Variants in ELP2 observed in about 807,000 individuals in gnomAD.
ELP2 encodes elongator complex protein 2.
A neutral mutation model predicts 119.2 loss-of-function variants in ELP2; 90 were observed. The observed-to-expected ratio is 0.75, with a 90% CI of 0.64 to 0.90. The LOEUF (loss-of-function observed/expected upper bound fraction) is 0.90. ELP2 is among the 40% of genes least tolerant of loss of function. The pLI, the probability that ELP2 is intolerant of heterozygous loss-of-function variation, is 0.00. For synonymous variants in ELP2, 339 were observed against 331.0 expected (o/e 1.02, Z -0.26); for missense variants, 921 against 967.8 (o/e 0.95, Z 0.64).
chr18:36,131,055 T>G (rs368773929), intron 1 of ELP2, among the ~76,000 whole-genome samples: 10 of 151,800 alleles, frequency 6.6e-5, no homozygotes, highest in African/African-American at 2.4e-4. Context: ...GCGCCTGTAG[T>G]CCCAGCTACT....
At chr18:36,169,300 G>GTA (rs1568027003) in intron 19 of ELP2, among the ~76,000 whole-genome samples, 2 of 151,946 alleles carry the variant, frequency 1.3e-5, no homozygotes, top group Non-Finnish European at 2.9e-5. Context: ...TTCATGAGGG[G>GTA]TATCATCTAG....
intron 17 of ELP2, among the ~76,000 whole-genome samples, chr18:36,163,029 T>G (rs1438057637): frequency 6.6e-6 from 1 of 152,158 alleles, no homozygotes; most frequent in African/African-American, 2.4e-5. Context: ...TAGTATACCT[T>G]GTACCTTGAG....
chr18:36,151,022 C>T (rs1249019618), intron 11 of ELP2, among the ~76,000 whole-genome samples: 1 of 151,692 alleles, frequency 6.6e-6, no homozygotes, highest in African/African-American at 2.4e-5. Context: ...TCAGTAGTTT[C>T]CCCCCCTATT....
chr18:36,174,383 G>A lies in ELP2; in HGVS notation c.2325-102G>A, dbSNP rs543710128. ...AAAATGGCTAAAATGTTAATGATGC[G>A]ATTTTAAAACCTGTACATTTCAATT... On this transcript the variant is annotated intron_variant, in intron 21 of 21. Coordinates refer to ENST00000358232, the MANE Select transcript of ELP2 (RefSeq NM_018255.4). 628 of 1,159,766 alleles carry A rather than the reference G, an allele frequency of 5.4e-4. 2 individuals carry two copies. The highest frequency in any genetic ancestry group is 7.5e-4 in the Non-Finnish European group (607 of 804,962). The allele number at this position is 1,159,766 out of a possible 1,614,324, so 71.8% of individuals were successfully genotyped here.
Position 36,171,086 on chromosome 18 carries a change from C to T in ELP2, c.2250C>T (p.Cys750=). The T allele has an allele frequency of 6.2e-7, 1 of 1,614,084 alleles. No individual in the cohort carries two copies. Among genetic ancestry groups the T allele is most frequent in the Non-Finnish European group, 8.5e-7 (1 of 1,179,908 alleles). ...TAGGATTGGAGTGTGGAAAGATTTG[C>T]TTATATACCTGGAAAAAGACTGATC... The part of the protein sequence containing the change: ...VAVGLECGKI[C]LYTWKKTDQV... Residue 750 remains cysteine, a synonymous_variant, in exon 21 of 22, where the codon TGC becomes TGT. Transcript: ENST00000358232.
intron 17 of ELP2, among the ~76,000 whole-genome samples, chr18:36,162,013 AAT>A (rs2090757257): frequency 1.3e-5 from 2 of 152,204 alleles, no homozygotes; most frequent in African/African-American, 4.8e-5. Flanking sequence ...GATTCACAAC[AAT>A]ATGTGTATCC....
chr18:36,146,149 A>C, intron 10 of ELP2, 101 bp downstream of exon 10: 6 of 1,579,110 alleles, frequency 3.8e-6, no homozygotes, highest in Non-Finnish European at 5.2e-6. Flanking sequence ...CACTGTGTAC[A>C]TTAAAATAGT....
At chr18:36,163,843 G>T (rs1222157907) in intron 17 of ELP2, among the ~76,000 whole-genome samples, 1 of 152,064 alleles carries the variant, frequency 6.6e-6, no homozygotes, top group African/African-American at 2.4e-5. Flanking sequence ...AGTAACGATA[G>T]TGTTTTAATA....
At chr18:36,164,923 A>G in intron 18 of ELP2, 1 of 484,464 alleles carries the variant, frequency 2.1e-6, no homozygotes, top group Admixed American at 3.5e-5. Flanking sequence ...TCTCAGTTCA[A>G]GAAACATAAA....
chr18:36,136,303 TC>T lies in ELP2; in HGVS notation c.218-3del, dbSNP rs775042386. On this transcript the variant is annotated splice_polypyrimidine_tract_variant and splice_region_variant and intron_variant, in intron 2 of 21. Coordinates refer to ENST00000358232, the MANE Select transcript of ELP2 (RefSeq NM_018255.4). ...GATATTTACTGAGATATAATTTTTT[TC>T]AGCCCCTTCTACTGAATTAGTTTCT... 8 of 1,607,362 alleles carry T rather than the reference TC, an allele frequency of 5.0e-6. No individual in the cohort carries two copies. The highest frequency in any genetic ancestry group is 6.8e-6 in the Non-Finnish European group (8 of 1,173,880).
At chr18:36,154,066 C>CTT (rs71166099) in intron 11 of ELP2, among the ~76,000 whole-genome samples, 34 of 115,874 alleles carry the variant, frequency 2.9e-4, no homozygotes, top group Non-Finnish European at 4.3e-4. Flanking sequence ...TTGTCACAGG[C>CTT]TTTTTTTTTT....
chr18:36,147,595 T>G (rs1785924), intron 11 of ELP2, among the ~76,000 whole-genome samples: 148,424 of 151,970 alleles, frequency 0.98, 72,583 homozygotes, highest in East Asian at 1. Context: ...TGTATTTTTA[T>G]TAGAGACGGG....
intron 18 of ELP2, among the ~76,000 whole-genome samples, chr18:36,166,047 G>A (rs2090884708): frequency 6.6e-6 from 1 of 151,750 alleles, no homozygotes; most frequent in Admixed American, 6.6e-5. Flanking sequence ...GTAAAGATTA[G>A]CCAGGCATGG....
intron 11 of ELP2, among the ~76,000 whole-genome samples, chr18:36,152,898 C>T (rs1179781954): frequency 2.0e-5 from 3 of 152,216 alleles, no homozygotes; most frequent in African/African-American, 7.2e-5. Context: ...GGAACAATTC[C>T]TTAGCACTAC....
At chr18:36,140,592 C>T (rs531497386) in intron 5 of ELP2, among the ~76,000 whole-genome samples, 3 of 152,052 alleles carry the variant, frequency 2.0e-5, no homozygotes, top group Non-Finnish European at 2.9e-5. Flanking sequence ...GGTGATCTGC[C>T]CACCTCAGCC....
chr18:36,169,823 G>A (rs2091023806), intron 19 of ELP2: 5 of 550,624 alleles, frequency 9.1e-6, no homozygotes, highest in Non-Finnish European at 1.6e-5. Context: ...TGGTCTCTGG[G>A]CAGGAACGCT....
chr18:36,156,183 A>C (rs950764510), intron 12 of ELP2, among the ~76,000 whole-genome samples: 2 of 152,210 alleles, frequency 1.3e-5, no homozygotes, highest in Non-Finnish European at 2.9e-5. Context: ...GTTTGCCACT[A>C]ACACTACTGC....
rs1445044876 is a variant in ELP2, at chr18:36,180,240, A to T, written c.*5599A>T. ...TGAAGAAAGGCCTGCCCCTGACTTTAAAAACATTTCTTGGAAGTCCCATAC... is the reference window on the plus strand; with the variant it reads ...TGAAGAAAGGCCTGCCCCTGACTTTTAAAACATTTCTTGGAAGTCCCATAC... On this transcript the variant is annotated 3_prime_UTR_variant, in exon 22 of 22. Transcript: ENST00000358232. 6.6e-6 allele frequency: 1 copy of T among 152,218 alleles called. No individual in the cohort carries two copies. 9.4% of individuals were successfully genotyped at this position (152,218 alleles called of 1,614,324 possible). A position where few individuals can be genotyped will look rare whatever the true frequency, so the allele number is the denominator to read the frequency against.
chr18:36,153,476 G>C (rs1474399445), intron 11 of ELP2, among the ~76,000 whole-genome samples: 1 of 152,118 alleles, frequency 6.6e-6, no homozygotes, highest in African/African-American at 2.4e-5. Flanking sequence ...GAGCAAATGT[G>C]TGGGGGTTTC....
Sources: gnomAD v4.1 joint callset for allele counts (sites outside exome capture counted in the v4.1 genomes callset) on GRCh38, gnomAD v4.1.1 for gene constraint, MANE v1.5 for transcripts, NCBI Gene and HGNC (gene_info 2026-07-23, HGNC 2026-07-21) for gene names.